The following PTPRZ1 variants were observed in gnomAD, a reference collection of about 807,000 sequenced individuals.
PTPRZ1 encodes the protein receptor-type tyrosine-protein phosphatase zeta.
Under a neutral mutation model 214.1 loss-of-function variants are expected in PTPRZ1, and 82 were observed. The observed-to-expected ratio is 0.38, with a 90% CI of 0.32 to 0.46. PTPRZ1 has a LOEUF of 0.46. Ranked by LOEUF, PTPRZ1 falls within the 20% of genes least tolerant of loss-of-function variation. The probability of loss-of-function intolerance (pLI) is 1.00; values close to 1 mark genes in which losing one functional copy is unlikely to be tolerated. For missense variants in PTPRZ1, 2,603 were observed against 2,748.7 expected (o/e 0.95, Z 1.19); for synonymous variants, 945 against 987.9 (o/e 0.96, Z 0.81).
chr7:121,998,101 C>G, intron 10 of PTPRZ1, 95 bp downstream of exon 10: 2 of 1,370,902 alleles, frequency 1.5e-6, no homozygotes, highest in Non-Finnish European at 2.0e-6. Flanking sequence ...ATTCTTTTGG[C>G]CAAAAGGCAA....
chr7:121,925,386 A>C (rs1020380574), intron 1 of PTPRZ1, among the ~76,000 whole-genome samples: 13 of 152,230 alleles, frequency 8.5e-5, no homozygotes, highest in African/African-American at 3.1e-4. Context: ...TTCATTTGTA[A>C]GTAGAAAGTG....
intron 1 of PTPRZ1, among the ~76,000 whole-genome samples, chr7:121,904,151 C>G (rs1006913372): frequency 2.0e-5 from 3 of 152,078 alleles, no homozygotes; most frequent in Admixed American, 6.6e-5. Context: ...AAATAATTTC[C>G]CATTCTGGTT....
chr7:121,982,298 T>A (rs1291853715), intron 6 of PTPRZ1, among the ~76,000 whole-genome samples: 1 of 152,224 alleles, frequency 6.6e-6, no homozygotes, highest in Admixed American at 6.5e-5. Context: ...TATGTAACAG[T>A]ATGACAGCTC....
At chr7:121,967,314 G>A (rs1797074119) in intron 2 of PTPRZ1, among the ~76,000 whole-genome samples, 2 of 152,092 alleles carry the variant, frequency 1.3e-5, no homozygotes, top group Admixed American at 1.3e-4. Flanking sequence ...GAGAAAAATG[G>A]GAAGGAGATA....
At chr7:121,918,880 A>G (rs919797242) in intron 1 of PTPRZ1, among the ~76,000 whole-genome samples, 1 of 151,982 alleles carries the variant, frequency 6.6e-6, no homozygotes, top group Non-Finnish European at 1.5e-5. Context: ...TTGAAAATAT[A>G]CTTATAATGG....
chr7:121,938,982 A>G (rs1235569293), intron 2 of PTPRZ1, among the ~76,000 whole-genome samples: 1 of 152,220 alleles, frequency 6.6e-6, no homozygotes, highest in Non-Finnish European at 1.5e-5. Flanking sequence ...AGAAAAAATA[A>G]GCTTCTACCA....
intron 23 of PTPRZ1, among the ~76,000 whole-genome samples, chr7:122,046,886 C>T (rs538451315): frequency 1.3e-5 from 2 of 151,798 alleles, no homozygotes; most frequent in Admixed American, 6.6e-5. Context: ...CTTGAAGCCT[C>T]GGAATTGGAT....
At chr7:122,002,419 C>G (rs1287346305) in intron 10 of PTPRZ1, among the ~76,000 whole-genome samples, 2 of 152,096 alleles carry the variant, frequency 1.3e-5, no homozygotes, top group Non-Finnish European at 2.9e-5. Context: ...AAGAAAAAGT[C>G]TTGCTTTTAT....
rs1391517748 is a variant in PTPRZ1, at chr7:122,010,358, G to C, written c.1312G>C (p.Glu438Gln). 2 of 1,609,012 alleles carry C rather than the reference G, an allele frequency of 1.2e-6. No homozygotes were observed. The highest frequency in any genetic ancestry group is 8.5e-7 in the Non-Finnish European group (1 of 1,178,512). ...GGAGGAGGAAGAGGGAAAAGACATT[G>C]AAGAAGGCGCTATTGTGAATCCTGG... ...IKEEEEGKDI[E>Q]EGAIVNPGRD... The change falls in exon 12 of 30, where the codon GAA (glutamate) becomes CAA (glutamine). Residue 438 changes from glutamate to glutamine, a missense_variant. Glu to Gln is a conservative substitution (Grantham distance 29). Around this residue, in one of 6 missense-constraint regions of PTPRZ1, gnomAD observed 1,913 missense variants for 1,914.3 expected, o/e 1.00. Transcript: ENST00000393386.
At chr7:122,059,704 G>A in intron 28 of PTPRZ1, 49 bp from the exon 29 acceptor site, 5 of 1,551,086 alleles carry the variant, frequency 3.2e-6, no homozygotes, top group Non-Finnish European at 4.3e-6. Flanking sequence ...AAATGTGAGT[G>A]GTGCATCTCA....
intron 6 of PTPRZ1, among the ~76,000 whole-genome samples, chr7:121,978,228 C>T (rs1228929643): frequency 6.6e-6 from 1 of 152,186 alleles, no homozygotes; most frequent in East Asian, 1.9e-4. Flanking sequence ...CAGCATTATT[C>T]TGCCTATATT....
At chr7:121,874,699 C>G (rs1305888148) in intron 1 of PTPRZ1, among the ~76,000 whole-genome samples, 1 of 151,902 alleles carries the variant, frequency 6.6e-6, no homozygotes, top group Non-Finnish European at 1.5e-5. Flanking sequence ...GCCCATAGAC[C>G]CCCACACACG....
At chr7:121,938,052 T>C (rs934992034) in intron 2 of PTPRZ1, among the ~76,000 whole-genome samples, 12 of 152,298 alleles carry the variant, frequency 7.9e-5, no homozygotes, top group Middle Eastern at 6.8e-3. Flanking sequence ...TACCTATCTA[T>C]TAATATCTAT....
Position 122,013,433 on chromosome 7 carries a change from G to T in PTPRZ1, c.4387G>T (p.Glu1463Ter). 6.2e-7 allele frequency: 1 copy of T among 1,614,136 alleles called. No individual in the cohort carries two copies. The highest frequency in any genetic ancestry group is 8.5e-7 in the Non-Finnish European group (1 of 1,180,018). Residue 1463 changes from glutamate (E) to a stop codon, truncating the protein, a stop_gained, in exon 12 of 30, where the codon GAA becomes TAA. Transcript: ENST00000393386. LOFTEE classifies it high-confidence loss of function. Reference sequence around the variant, plus strand: ...GGTAATGAATGATTCAGACACCCACGAAAACAGTCTTATGGATCAGAATAA... The same window carrying T: ...GGTAATGAATGATTCAGACACCCACTAAAACAGTCTTATGGATCAGAATAA... ...EKVMNDSDTH[E>*]NSLMDQNNPI... is the part of the protein sequence containing the mutation.
intron 15 of PTPRZ1, 23 bp from the exon 16 acceptor site, chr7:122,034,072 T>G: frequency 1.3e-6 from 2 of 1,576,866 alleles, no homozygotes; most frequent in Non-Finnish European, 8.7e-7. Flanking sequence ...TCTTTACTTT[T>G]TTGGCATTCA....
intron 2 of PTPRZ1, among the ~76,000 whole-genome samples, chr7:121,945,678 G>A (rs1000314534): frequency 1.3e-5 from 2 of 152,200 alleles, no homozygotes; most frequent in East Asian, 1.9e-4. Flanking sequence ...TTTGCAACCA[G>A]TCATACCTAC....
chr7:122,037,229 C>T (rs890250188), intron 18 of PTPRZ1, among the ~76,000 whole-genome samples: 16 of 150,086 alleles, frequency 1.1e-4, no homozygotes, highest in Middle Eastern at 3.7e-3. Flanking sequence ...GAGCCGAGAT[C>T]GCACTTCTGC....
chr7:121,950,734 GTCT>G (rs1172936464), intron 2 of PTPRZ1, among the ~76,000 whole-genome samples: 2 of 152,134 alleles, frequency 1.3e-5, no homozygotes, highest in South Asian at 2.1e-4. Context: ...TTATCTGTAT[GTCT>G]TCTTCTTTTA....
intron 23 of PTPRZ1, among the ~76,000 whole-genome samples, chr7:122,049,061 A>G (rs1562882092): frequency 6.6e-6 from 1 of 152,266 alleles, no homozygotes; most frequent in East Asian, 1.9e-4. Context: ...AACACTGGAA[A>G]ATATGAATAG....
Sources: gnomAD v4.1 joint callset for allele counts (sites outside exome capture counted in the v4.1 genomes callset) on GRCh38, gnomAD v4.1.1 for gene constraint, gnomAD v4.1.1 regional missense constraint, MANE v1.5 for transcripts, NCBI Gene and HGNC (gene_info 2026-07-23, HGNC 2026-07-21) for gene names.